The following CPAMD8 variants were observed in gnomAD, a reference collection of about 807,000 sequenced individuals.
The protein encoded by CPAMD8 is C3 and PZP-like alpha-2-macroglobulin domain-containing protein 8.
Under a neutral mutation model 224.7 loss-of-function variants are expected in CPAMD8, and 146 were observed. That is an observed-to-expected ratio of 0.65 (90% CI 0.57 to 0.75). The LOEUF is 0.75. CPAMD8 is among the 30% of genes least tolerant of loss of function. The pLI is 0.00. For missense variants in CPAMD8, 2,301 were observed against 2,537.5 expected (o/e 0.91, Z 2.00); for synonymous variants, 966 against 1,044.6 (o/e 0.92, Z 1.45).
chr19:16,912,575 C>A (rs2052768549), intron 29 of CPAMD8, among the ~76,000 whole-genome samples: 1 of 152,120 alleles, frequency 6.6e-6, no homozygotes, highest in African/African-American at 2.4e-5. Flanking sequence ...ATGGTGGAAC[C>A]TGGTCTCTAC....
chr19:17,012,556 C>G (rs1034397269), intron 3 of CPAMD8, among the ~76,000 whole-genome samples: 1 of 152,114 alleles, frequency 6.6e-6, no homozygotes, highest in East Asian at 1.9e-4. Flanking sequence ...ACTCTATTGC[C>G]CAGGCTGGTC....
At chr19:16,939,260 G>A (rs7247637) in intron 22 of CPAMD8, among the ~76,000 whole-genome samples, 33,159 of 151,068 alleles carry the variant, frequency 0.22, 3,862 homozygotes, top group Non-Finnish European at 0.25. Context: ...CTGGAGTGCA[G>A]TGGTGTGAGT....
rs770122772 is a variant in CPAMD8, at chr19:16,899,839, G to A, written c.4774-290C>T. Among the ~76,000 whole-genome samples the A allele has an allele frequency of 1.3e-5, 2 of 151,764 alleles. No homozygotes were observed. Among genetic ancestry groups the A allele is most frequent in the Non-Finnish European group, 2.9e-5 (2 of 68,004 alleles). On this transcript the variant is annotated intron_variant, in intron 36 of 41. Transcript: ENST00000443236. This position sits in a 1 kb window ranked among gnomAD's most constrained non-coding sequence, Gnocchi z 5.4. ...TCCGTGGCCAAAGAGGTGCCCGGCT[G>A]AGCCCTGCCGCCTGCTGGTGTCTCA...
chr19:16,895,897 GCGCA>G (rs1476283799), intron 41 of CPAMD8: 9 of 550,350 alleles, frequency 1.6e-5, no homozygotes, highest in African/African-American at 8.7e-5. Context: ...GCGCGCGCGC[GCGCA>G]CGCACACACA....
At chr19:16,916,127 CT>C (rs1181936288) in intron 27 of CPAMD8, among the ~76,000 whole-genome samples, 1 of 152,058 alleles carries the variant, frequency 6.6e-6, no homozygotes, top group African/African-American at 2.4e-5. Flanking sequence ...GATTCTCCCA[CT>C]TCAGCCTCCC....
At chr19:16,957,573 G>T (rs1310548626) in intron 19 of CPAMD8, 2 of 351,524 alleles carry the variant, frequency 5.7e-6, no homozygotes, top group Non-Finnish European at 1.0e-5. Context: ...TCATTTTAAT[G>T]AGCTCGTTAT....
intron 27 of CPAMD8, among the ~76,000 whole-genome samples, chr19:16,921,480 A>C (rs778544165): frequency 7.9e-5 from 12 of 151,950 alleles, no homozygotes; most frequent in Non-Finnish European, 7.4e-5. Context: ...TTACCACAGA[A>C]ACAAGATCCC....
intron 1 of CPAMD8, among the ~76,000 whole-genome samples, chr19:17,024,373 T>C (rs1054303565): frequency 2.6e-5 from 4 of 152,212 alleles, no homozygotes; most frequent in African/African-American, 9.7e-5. Context: ...TGCTGTGTAT[T>C]ACATAACTCC....
chr19:16,945,743 C>T, intron 21 of CPAMD8, 64 bp from the exon 22 acceptor site: 1 of 1,480,878 alleles, frequency 6.8e-7, no homozygotes, highest in Non-Finnish European at 9.4e-7. Flanking sequence ...CTGTCCCATC[C>T]CTATCCTTAT....
At chr19:17,003,818 A>C (rs1277270980) in intron 8 of CPAMD8, among the ~76,000 whole-genome samples, 4 of 150,934 alleles carry the variant, frequency 2.7e-5, no homozygotes, top group Non-Finnish European at 5.9e-5. Context: ...CCATCCCCTG[A>C]AACTATACCC....
intron 19 of CPAMD8, among the ~76,000 whole-genome samples, chr19:16,956,774 T>C (rs534732153): frequency 6.6e-6 from 1 of 151,824 alleles, no homozygotes; most frequent in Non-Finnish European, 1.5e-5. Flanking sequence ...TTCATGCCAC[T>C]CTCTTACCTC....
chr19:16,970,513 A>T (rs1353658855), intron 18 of CPAMD8, among the ~76,000 whole-genome samples: 1 of 151,382 alleles, frequency 6.6e-6, no homozygotes, highest in East Asian at 2.0e-4. Flanking sequence ...TGAACCTGGG[A>T]GGTGGAGGTT....
At chr19:16,954,570 C>A (rs772211975) in intron 19 of CPAMD8, among the ~76,000 whole-genome samples, 29 of 152,142 alleles carry the variant, frequency 1.9e-4, no homozygotes, top group Admixed American at 2.0e-4. Flanking sequence ...TATTTGTATA[C>A]CCCTGTTCAC....
At chr19:16,972,281 A>G (rs929555159) in intron 17 of CPAMD8, among the ~76,000 whole-genome samples, 1 of 152,100 alleles carries the variant, frequency 6.6e-6, no homozygotes, top group Non-Finnish European at 1.5e-5. Context: ...CTCCCACCTC[A>G]GCCTCTTGAG....
intron 25 of CPAMD8, among the ~76,000 whole-genome samples, chr19:16,927,570 C>T (rs184509051): frequency 1.1e-4 from 16 of 152,242 alleles, no homozygotes; most frequent in Admixed American, 4.6e-4. Context: ...GCAACTGCTC[C>T]GGACGCCTGC....
chr19:16,994,142 C>T (rs992252798), intron 11 of CPAMD8, among the ~76,000 whole-genome samples: 1 of 152,144 alleles, frequency 6.6e-6, no homozygotes, highest in Non-Finnish European at 1.5e-5. Context: ...GCATCCCTAC[C>T]TCACACCATA....
At position 16,899,373 on chromosome 19, in the gene CPAMD8, G is replaced by A. The variant is rs2052157772; in HGVS notation, c.4848+102C>T. On this transcript the variant is annotated intron_variant, in intron 37 of 41. Coordinates refer to ENST00000443236, the MANE Select transcript of CPAMD8 (RefSeq NM_015692.5). This position sits in a 1 kb window ranked among gnomAD's most constrained non-coding sequence, Gnocchi z 5.4. Reference sequence around the variant, plus strand: ...TGCCCGGCCCCAGTGTCTTTTTTATGGTACAAGATACTTGCAGGGAGCCAC... The same window carrying A: ...TGCCCGGCCCCAGTGTCTTTTTTATAGTACAAGATACTTGCAGGGAGCCAC... 5.8e-6 allele frequency: 4 copies of A among 694,528 alleles called. No individual in the cohort carries two copies. Among genetic ancestry groups the A allele is most frequent in the East Asian group, 5.3e-5 (2 of 37,956 alleles). The allele number at this position is 694,528 out of a possible 1,614,324, so 43.0% of individuals were successfully genotyped here.
intron 17 of CPAMD8, among the ~76,000 whole-genome samples, chr19:16,972,570 G>T (rs1333024705): frequency 6.6e-6 from 1 of 152,070 alleles, no homozygotes; most frequent in Non-Finnish European, 1.5e-5. Flanking sequence ...GAGTAGCTGG[G>T]ACTACTGGCG....
Position 16,896,499 on chromosome 19 carries a change from C to T in CPAMD8, c.5232G>A (p.Gln1744=), listed in dbSNP as rs2547090. 1 of 1,428,922 alleles carries T rather than the reference C, an allele frequency of 7.0e-7. No homozygotes were observed. Among genetic ancestry groups the T allele is most frequent in the Non-Finnish European group, 9.1e-7 (1 of 1,102,690 alleles). 88.5% of individuals were successfully genotyped at this position (1,428,922 alleles called of 1,614,324 possible). ...ACRLREAACR[Q]AAPLEPAPPS... is the part of the protein sequence containing the mutation. Reference sequence around the variant, plus strand: ...GAGGCGCGGGCTCCAGGGGCGCGGCCTGGCGGCAGGCGGCCTCCCGCAGGC... The same window carrying T: ...GAGGCGCGGGCTCCAGGGGCGCGGCTTGGCGGCAGGCGGCCTCCCGCAGGC... Residue 1744 remains glutamine (Q), a synonymous_variant, in exon 40 of 42, where the codon CAG becomes CAA. Coordinates refer to ENST00000443236, the MANE Select transcript of CPAMD8 (RefSeq NM_015692.5).
Sources: allele counts gnomAD v4.1 joint callset (sites outside exome capture counted in the v4.1 genomes callset), GRCh38; gene constraint gnomAD v4.1.1; non-coding constraint Gnocchi (gnomAD v3.1); transcripts MANE v1.5; gene names NCBI Gene and HGNC (gene_info 2026-07-23, HGNC 2026-07-21).